Variants in VEPH1 observed in about 807,000 individuals in gnomAD.
The protein encoded by VEPH1 is ventricular zone-expressed PH domain-containing protein homolog 1.
VEPH1 carries 80 observed loss-of-function variants against 85.2 expected under a neutral mutation model. The observed-to-expected ratio is 0.94, with a 90% CI of 0.78 to 1.13. The LOEUF (loss-of-function observed/expected upper bound fraction) is 1.13, where lower values mean the gene tolerates loss of function less well. Ranked by LOEUF, VEPH1 falls within the 50% of genes most tolerant of loss-of-function variation. VEPH1 has a pLI of 0.00. For missense variants in VEPH1, 955 were observed against 980.5 expected, an observed-to-expected ratio of 0.97 and a Z score of 0.35; for synonymous variants, 297 against 348.0, an observed-to-expected ratio of 0.85 and a Z score of 1.63.
At chr3:157,357,919 T>C (rs1362464115) in intron 9 of VEPH1, among the ~76,000 whole-genome samples, 1 of 152,236 alleles carries the variant, frequency 6.6e-6, no homozygotes, top group East Asian at 1.9e-4. Context: ...TGTCTTCTTT[T>C]GGAAGTTTGC....
At chr3:157,318,739 G>T (rs1217678357) in intron 9 of VEPH1, among the ~76,000 whole-genome samples, 1 of 151,944 alleles carries the variant, frequency 6.6e-6, no homozygotes, top group Non-Finnish European at 1.5e-5. Flanking sequence ...AAATGGACTA[G>T]AGTTAGTTGA....
intron 9 of VEPH1, among the ~76,000 whole-genome samples, chr3:157,331,148 G>C (rs1161478036): frequency 6.6e-6 from 1 of 152,204 alleles, no homozygotes; most frequent in Non-Finnish European, 1.5e-5. Flanking sequence ...CAGATAGGAT[G>C]CTGGGGCTCA....
At chr3:157,397,876 C>T (rs1282686232) in intron 6 of VEPH1, among the ~76,000 whole-genome samples, 1 of 152,212 alleles carries the variant, frequency 6.6e-6, no homozygotes, top group Non-Finnish European at 1.5e-5. Context: ...GCTTGAAGTT[C>T]TCCCCACTGG....
chr3:157,272,440 C>CTTTCA (rs1491059636), intron 12 of VEPH1, among the ~76,000 whole-genome samples: 8 of 49,918 alleles, frequency 1.6e-4, no homozygotes, highest in Admixed American at 6.9e-4. Context: ...TCTTTCTTTC[C>CTTTCA]TTCTCTCTCT....
intron 1 of VEPH1, among the ~76,000 whole-genome samples, chr3:157,496,788 C>T (rs1000341581): frequency 2.6e-5 from 4 of 152,170 alleles, no homozygotes; most frequent in Non-Finnish European, 5.9e-5. Flanking sequence ...TCATTACACA[C>T]TCAACTAAAT....
At chr3:157,265,377 A>G (rs1205869849) in intron 13 of VEPH1, 149 bp downstream of exon 13, 1 of 858,000 alleles carries the variant, frequency 1.2e-6, no homozygotes, top group Admixed American at 2.9e-5. Context: ...AACAGACTAG[A>G]CACAGAAATG....
intron 4 of VEPH1, among the ~76,000 whole-genome samples, chr3:157,444,090 T>C (rs1734354839): frequency 6.6e-6 from 1 of 152,186 alleles, no homozygotes; most frequent in African/African-American, 2.4e-5. Flanking sequence ...CCCTTCACAC[T>C]GTGGATGGGG....
intron 6 of VEPH1, among the ~76,000 whole-genome samples, chr3:157,392,710 G>A (rs1729980893): frequency 1.3e-5 from 2 of 152,168 alleles, no homozygotes; most frequent in Admixed American, 6.5e-5. Context: ...GGCCTCATGT[G>A]GCCTACAGGT....
At chr3:157,446,823 T>G (rs574147241) in intron 4 of VEPH1, among the ~76,000 whole-genome samples, 1 of 152,316 alleles carries the variant, frequency 6.6e-6, no homozygotes, top group African/African-American at 2.4e-5. Flanking sequence ...CAGAAAAGTT[T>G]GCTGGGTTTG....
chr3:157,266,229 G>A (rs1713623400), intron 12 of VEPH1, among the ~76,000 whole-genome samples: 1 of 151,302 alleles, frequency 6.6e-6, no homozygotes, highest in African/African-American at 2.4e-5. Flanking sequence ...TCCTAAAGCG[G>A]TAACACCAAG....
At chr3:157,318,499 T>C (rs768179043) in intron 9 of VEPH1, among the ~76,000 whole-genome samples, 13 of 151,970 alleles carry the variant, frequency 8.6e-5, no homozygotes, top group East Asian at 1.9e-4. Context: ...ACCCAGCTAC[T>C]TGGGGGGCAG....
chr3:157,384,114 C>G (rs776477193), intron 6 of VEPH1, among the ~76,000 whole-genome samples: 2 of 152,072 alleles, frequency 1.3e-5, no homozygotes, highest in Non-Finnish European at 2.9e-5. Flanking sequence ...AGACAATAAA[C>G]AAAATATCTT....
chr3:157,350,153 A>G (rs893128719), intron 9 of VEPH1, among the ~76,000 whole-genome samples: 1 of 152,220 alleles, frequency 6.6e-6, no homozygotes, highest in Admixed American at 6.5e-5. Flanking sequence ...ACAACATGGT[A>G]CTGTCATAGA....
At chr3:157,492,084 T>G (rs998259407) in intron 2 of VEPH1, among the ~76,000 whole-genome samples, 1 of 152,086 alleles carries the variant, frequency 6.6e-6, no homozygotes, top group Non-Finnish European at 1.5e-5. Flanking sequence ...ACCAATAAAG[T>G]CCACTCATAT....
intron 6 of VEPH1, among the ~76,000 whole-genome samples, chr3:157,410,094 T>C (rs1412154699): frequency 6.6e-6 from 1 of 152,180 alleles, no homozygotes; most frequent in Non-Finnish European, 1.5e-5. Context: ...TAAAATTATC[T>C]GACAGTTTGA....
At chr3:157,437,936 G>A in intron 4 of VEPH1, 1 of 1,527,728 alleles carries the variant, frequency 6.5e-7, no homozygotes, top group South Asian at 1.2e-5. Flanking sequence ...AGCGGGGCCG[G>A]GACCTCCCAC....
chr3:157,352,647 A>G (rs1189971836), intron 9 of VEPH1, among the ~76,000 whole-genome samples: 3 of 152,250 alleles, frequency 2.0e-5, no homozygotes, highest in African/African-American at 7.2e-5. Flanking sequence ...TTTTTACTTT[A>G]CATTGGAGAT....
At chr3:157,428,863 G>A (rs1023426611) in intron 4 of VEPH1, among the ~76,000 whole-genome samples, 1 of 152,174 alleles carries the variant, frequency 6.6e-6, no homozygotes, top group African/African-American at 2.4e-5. Context: ...AAGCAGTGCT[G>A]TAATCATGGA....
At chr3:157,330,286 C>A (rs1389834641) in intron 9 of VEPH1, among the ~76,000 whole-genome samples, 2 of 152,166 alleles carry the variant, frequency 1.3e-5, no homozygotes, top group African/African-American at 4.8e-5. Context: ...GAAAGGGAAT[C>A]TGGAAATTAG....
Sources: allele counts gnomAD v4.1 joint callset (sites outside exome capture counted in the v4.1 genomes callset), GRCh38; gene constraint gnomAD v4.1.1; transcripts MANE v1.5; gene names NCBI Gene and HGNC (gene_info 2026-07-23, HGNC 2026-07-21).